TRIM37: variants seen among roughly 807,000 people sequenced by gnomAD.
TRIM37 encodes tripartite motif containing 37.
A neutral mutation model predicts 129.8 loss-of-function variants in TRIM37; 80 were observed. That is an observed-to-expected ratio of 0.62 (90% CI 0.51 to 0.74). TRIM37 has a LOEUF of 0.74. Ranked by LOEUF, TRIM37 falls within the 30% of genes least tolerant of loss-of-function variation. TRIM37 has a pLI of 0.00. For missense variants in TRIM37, 1,054 were observed against 1,176.5 expected, an observed-to-expected ratio of 0.90 and a Z score of 1.52; for synonymous variants, 389 against 387.1, an observed-to-expected ratio of 1.00 and a Z score of -0.06.
At chr17:58,980,241 A>G (rs1402169694), downstream of TRIM37, 2 of 1,614,220 alleles carry the variant, frequency 1.2e-6, no homozygotes, top group East Asian at 4.5e-5. This position sits in a 1 kb window ranked among gnomAD's most constrained non-coding sequence, Gnocchi z 4.7. Context: ...GACATGAACA[A>G]AGCTGTAAAT....
At chr17:58,993,512 C>T (rs181438474), downstream of TRIM37, among the ~76,000 whole-genome samples, 504 of 152,328 alleles carry the variant, frequency 3.3e-3, 1 homozygote, top group Non-Finnish European at 4.8e-3. Context: ...AACTTAACTG[C>T]ACTTTGCGAA....
intron 9 of TRIM37, 130 bp downstream of exon 9, chr17:59,070,693 A>C: frequency 9.5e-7 from 1 of 1,048,048 alleles, no homozygotes; most frequent in Non-Finnish European, 1.4e-6. Flanking sequence ...CCTGGGCAAC[A>C]AGTGAGACCC....
downstream of TRIM37, among the ~76,000 whole-genome samples, chr17:58,994,247 A>G (rs2032747114): frequency 6.6e-6 from 1 of 152,188 alleles, no homozygotes; most frequent in African/African-American, 2.4e-5. Flanking sequence ...ATACACATAA[A>G]TGTGTGTATT....
At chr17:58,977,018 A>C in the TRIM37 span, among the ~76,000 whole-genome samples, 2 of 152,250 alleles carry the variant, frequency 1.3e-5, no homozygotes, top group African/African-American at 4.8e-5. Flanking sequence ...TATCTTTTAA[A>C]TTTTTGCATT....
At chr17:59,050,661 G>A (rs1358936616) in intron 14 of TRIM37, among the ~76,000 whole-genome samples, 3 of 151,674 alleles carry the variant, frequency 2.0e-5, no homozygotes, top group African/African-American at 7.3e-5. Flanking sequence ...GAGTGAGTCC[G>A]ACCTGTCTCC....
downstream of TRIM37, among the ~76,000 whole-genome samples, chr17:58,995,776 C>T (rs754017294): frequency 6.6e-5 from 10 of 152,072 alleles, no homozygotes; most frequent in Non-Finnish European, 1.3e-4. Context: ...ATGCCTCTAT[C>T]GCAGCACTTT....
intron 2 of TRIM37, among the ~76,000 whole-genome samples, chr17:59,099,854 A>C (rs1278903497): frequency 7.2e-5 from 11 of 152,100 alleles, no homozygotes; most frequent in Non-Finnish European, 1.5e-5. Context: ...CCCAGGCTGG[A>C]GTGCAATGGT....
intron 5 of TRIM37, among the ~76,000 whole-genome samples, chr17:59,082,743 A>G (rs1280265866): frequency 6.6e-6 from 1 of 152,226 alleles, no homozygotes; most frequent in African/African-American, 2.4e-5. Context: ...TTCTTACTAG[A>G]ATTGTCTTAT....
At chr17:59,050,534 C>T (rs1248990464) in intron 14 of TRIM37, among the ~76,000 whole-genome samples, 1 of 151,758 alleles carries the variant, frequency 6.6e-6, no homozygotes, top group African/African-American at 2.4e-5. Context: ...TCCACAAAAA[C>T]AAAAACTAGC....
chr17:59,071,536 C>T (rs1282242192), intron 8 of TRIM37, among the ~76,000 whole-genome samples: 6 of 152,096 alleles, frequency 3.9e-5, no homozygotes, highest in Non-Finnish European at 7.4e-5. Context: ...CCACCTGCCT[C>T]GGCCTCCCCA....
chr17:59,070,918 T>C lies in TRIM37; in HGVS notation c.714A>G (p.Ile238Met). ...QLRSCSKSEL[I>M]SKSSEILMMF... ...TCATAAGGATCTCTGAGCTCTTAGA[T>C]ATCAACTCACTCTTACTACAAGACC... Residue 238 changes from isoleucine to methionine, a missense_variant, in exon 9 of 24, where the codon ATA (isoleucine) becomes ATG (methionine). Ile to Met is a conservative substitution (Grantham distance 10, BLOSUM62 1). Around this residue, in one of 3 missense-constraint regions of TRIM37, gnomAD observed 752 missense variants for 870.8 expected, o/e 0.86. Transcript: ENST00000262294. The C allele has an allele frequency of 1.9e-6, 3 of 1,614,048 alleles. No individual in the cohort carries two copies. The highest frequency in any genetic ancestry group is 1.7e-6 in the Non-Finnish European group (2 of 1,179,974).
intron 1 of TRIM37, 141 bp from the exon 2 acceptor site, chr17:59,104,535 G>C (rs540315968): frequency 1.2e-6 from 1 of 831,590 alleles, no homozygotes; most frequent in Non-Finnish European, 2.1e-6. Context: ...GATTTGGTTG[G>C]TCAAGATACA....
rs371565393 is a variant in TRIM37 at position 58,999,363 on chromosome 17, T to C, written c.*14A>G. 6.2e-7 allele frequency: 1 copy of C among 1,613,934 alleles called. No homozygotes were observed. Among genetic ancestry groups the C allele is most frequent in the Non-Finnish European group, 8.5e-7 (1 of 1,179,894 alleles). Reference sequence around the variant, plus strand: ...GTCAAGGTAGCTTGCAAGTCAGTTCTCTTGATTTGGCAATTACCTTCCACT... The same window carrying C: ...GTCAAGGTAGCTTGCAAGTCAGTTCCCTTGATTTGGCAATTACCTTCCACT... On this transcript the variant is annotated 3_prime_UTR_variant, in exon 24 of 24. Transcript: ENST00000262294.
intron 22 of TRIM37, among the ~76,000 whole-genome samples, chr17:59,010,446 T>A (rs1023170692): frequency 7.9e-5 from 12 of 152,188 alleles, no homozygotes; most frequent in African/African-American, 2.9e-4. Context: ...AAATGCAACA[T>A]CCGGTAAATT....
At position 59,064,240 on chromosome 17, in the gene TRIM37, A is replaced by C. The variant is rs1199573513; in HGVS notation, c.860+115T>G. On this transcript the variant is annotated intron_variant, in intron 10 of 23. Coordinates refer to ENST00000262294, the MANE Select transcript of TRIM37 (RefSeq NM_015294.6). Reference sequence around the variant, plus strand: ...TTTCTAATAGGAAACTTATTCTTCTAAGACTTCTAAAGTGAGTGACACAGT... The same window carrying C: ...TTTCTAATAGGAAACTTATTCTTCTCAGACTTCTAAAGTGAGTGACACAGT... 1.5e-5 allele frequency: 12 copies of C among 792,980 alleles called. 1 individual carries two copies. In the South Asian group the frequency reaches 1.9e-4, roughly 12 times the overall value. 49.1% of individuals were successfully genotyped at this position (792,980 alleles called of 1,614,324 possible).
chr17:58,980,875 G>A, downstream of TRIM37: 1 of 1,614,228 alleles, frequency 6.2e-7, no homozygotes, highest in Non-Finnish European at 8.5e-7. The surrounding 1 kb of genome is among the most constrained non-coding windows in gnomAD (Gnocchi z 4.7). Flanking sequence ...GCACTAGCCT[G>A]TCCTCACTTA....
chr17:58,984,985 TGG>T (rs1414430462), intron 24 of TRIM37: 1 of 152,674 alleles, frequency 6.5e-6, no homozygotes, highest in Non-Finnish European at 1.5e-5. Context: ...GAATTCTCTA[TGG>T]AGTGAAGCGA....
intron 7 of TRIM37, among the ~76,000 whole-genome samples, chr17:59,076,766 A>G (rs1041694534): frequency 2.0e-5 from 3 of 152,136 alleles, no homozygotes; most frequent in Non-Finnish European, 2.9e-5. Flanking sequence ...AAAAACATTT[A>G]ATAGGTAGAA....
chr17:58,992,403 G>A (rs959657853), intron 24 of TRIM37, among the ~76,000 whole-genome samples: 2 of 150,184 alleles, frequency 1.3e-5, no homozygotes, highest in African/African-American at 4.9e-5. Context: ...GTTTTGAGAC[G>A]GAGTTTCACT....
Sources: gnomAD v4.1 joint callset for allele counts (sites outside exome capture counted in the v4.1 genomes callset) on GRCh38, gnomAD v4.1.1 for gene constraint, gnomAD v4.1.1 regional missense constraint, Gnocchi (gnomAD v3.1) non-coding constraint, MANE v1.5 for transcripts, NCBI Gene and HGNC (gene_info 2026-07-23, HGNC 2026-07-21) for gene names.